The following SDHB variants were observed in gnomAD, a reference collection of about 807,000 sequenced individuals.
The protein encoded by SDHB is succinate dehydrogenase [ubiquinone] iron-sulfur subunit, mitochondrial.
Under a neutral mutation model 39.7 loss-of-function variants are expected in SDHB, and 21 were observed. That is an observed-to-expected ratio of 0.53 (90% CI 0.37 to 0.76). SDHB has a LOEUF of 0.76. Among genes scored for constraint, SDHB ranks in the 30% least tolerant of loss-of-function variants. The probability of loss-of-function intolerance (pLI) is 0.00; values close to 1 mark genes in which losing one functional copy is unlikely to be tolerated. For missense variants in SDHB, 343 were observed against 350.9 expected (o/e 0.98, Z 0.18); for synonymous variants, 118 against 117.0 (o/e 1.01, Z -0.06).
At chr1:17,023,108 C>G in intron 6 of SDHB, 2 of 340,896 alleles carry the variant, frequency 5.9e-6, no homozygotes, top group Admixed American at 7.9e-5. Context: ...GCTGGACTTG[C>G]TGTCTCTGAG....
In SDHB at chr1:17,033,129, A is replaced by G. The variant is rs763734164; in HGVS notation, c.217T>C (p.Leu73=). The G allele has an allele frequency of 3.7e-6, 6 of 1,613,174 alleles. No homozygotes were observed. The South Asian group carries it at 5.5e-5, about 15-fold the overall frequency. Residue 73 remains leucine, a synonymous_variant, in exon 3 of 8, where the codon TTG becomes CTG. Coordinates refer to ENST00000375499, the MANE Select transcript of SDHB (RefSeq NM_003000.3). ...TTCTTAATCTTGATTAAAGCATCCA[A>G]TACCATGGGGCCACATCTAACAAAG... ...VDLNKCGPMV[L]DALIKIKNEV...
At chr1:17,034,472 C>T (rs1328473988) in intron 2 of SDHB, among the ~76,000 whole-genome samples, 1 of 152,172 alleles carries the variant, frequency 6.6e-6, no homozygotes, top group East Asian at 1.9e-4. Context: ...CCTCTACCTT[C>T]CGGGTTCAAG....
chr1:17,019,683 T>C (rs761946893), intron 7 of SDHB, among the ~76,000 whole-genome samples: 1 of 151,920 alleles, frequency 6.6e-6, no homozygotes, highest in Non-Finnish European at 1.5e-5. Flanking sequence ...TAAAAAAGTG[T>C]TGTGGAAAGA....
intron 5 of SDHB, among the ~76,000 whole-genome samples, chr1:17,024,321 C>T (rs950165050): frequency 6.6e-6 from 1 of 152,172 alleles, no homozygotes; most frequent in African/African-American, 2.4e-5. Flanking sequence ...CTTTAATAAA[C>T]AAGAACCTCT....
chr1:17,046,426 A>G (rs1209424490), intron 1 of SDHB, among the ~76,000 whole-genome samples: 1 of 152,168 alleles, frequency 6.6e-6, no homozygotes, highest in Non-Finnish European at 1.5e-5. Context: ...ACTAATTTTA[A>G]GGGTATAATG....
intron 1 of SDHB, among the ~76,000 whole-genome samples, chr1:17,051,086 A>G (rs2078144466): frequency 6.6e-6 from 1 of 152,364 alleles, no homozygotes; most frequent in South Asian, 2.1e-4. Context: ...CAACAGTGCA[A>G]AAAGATAATT....
chr1:17,025,884 T>C (rs1054087567), intron 5 of SDHB, among the ~76,000 whole-genome samples: 11 of 152,242 alleles, frequency 7.2e-5, no homozygotes, highest in Admixed American at 7.2e-4. Flanking sequence ...CTGAAACTTT[T>C]TGAGCACCAA....
intron 7 of SDHB, among the ~76,000 whole-genome samples, chr1:17,019,779 T>A (rs2077950826): frequency 6.6e-6 from 1 of 152,158 alleles, no homozygotes; most frequent in African/African-American, 2.4e-5. Flanking sequence ...TCTTGCTCTG[T>A]CATCCAGGCT....
chr1:17,027,902 A>C (rs2078000725), intron 4 of SDHB, 37 bp from the exon 5 acceptor site: 1 of 1,250,212 alleles, frequency 8.0e-7, no homozygotes, highest in Admixed American at 1.7e-5. Context: ...AAGAAGAAGA[A>C]AAGGATCAGA....
At chr1:17,045,572 C>T (rs372597771) in intron 1 of SDHB, among the ~76,000 whole-genome samples, 8 of 151,890 alleles carry the variant, frequency 5.3e-5, no homozygotes, top group African/African-American at 1.9e-4. Flanking sequence ...GCACTCTAGC[C>T]TGGGCAACAG....
chr1:17,031,890 AGT>A lies in SDHB; in HGVS notation c.286+1168_286+1169del, dbSNP rs2078025452. On this transcript the variant is annotated intron_variant, in intron 3 of 7. Coordinates refer to ENST00000375499, the MANE Select transcript of SDHB (RefSeq NM_003000.3). The stretch of plus-strand genomic sequence containing the variant: ...AGCTTTGGCTGACTCCCGGCTCTCA[AGT>A]CACTCTCTATGTGTCCTTGTGGAAG... Among the ~76,000 whole-genome samples the A allele has an allele frequency of 3.3e-5, 5 of 152,256 alleles. No individual in the cohort carries two copies. In the South Asian group the frequency reaches 1.0e-3, roughly 32 times the overall value.
chr1:17,046,391 G>T (rs2078110466), intron 1 of SDHB, among the ~76,000 whole-genome samples: 1 of 151,730 alleles, frequency 6.6e-6, no homozygotes, highest in South Asian at 2.1e-4. Flanking sequence ...GATTTAATAA[G>T]GTATAATTCA....
intron 6 of SDHB, 96 bp from the exon 7 acceptor site, chr1:17,022,826 A>T (rs2101514274): frequency 6.8e-7 from 1 of 1,476,304 alleles, no homozygotes; most frequent in African/African-American, 1.4e-5. Context: ...AGGAAAGGGA[A>T]TTCACTCAGC....
chr1:17,037,884 C>T (rs1399268897), intron 2 of SDHB, among the ~76,000 whole-genome samples: 1 of 152,100 alleles, frequency 6.6e-6, no homozygotes, highest in Non-Finnish European at 1.5e-5. Context: ...CACCTGCAAT[C>T]CCAGCACTTT....
intron 1 of SDHB, among the ~76,000 whole-genome samples, chr1:17,053,302 C>T (rs1283605893): frequency 6.6e-6 from 1 of 152,118 alleles, no homozygotes. Context: ...TATTATATGA[C>T]CTTTAGAGTC....
intron 6 of SDHB, 50 bp downstream of exon 6, chr1:17,023,922 TC>T (rs1429929153): frequency 7.2e-7 from 1 of 1,397,936 alleles, no homozygotes; most frequent in African/African-American, 1.4e-5. Flanking sequence ...CTCTTGGACT[TC>T]TGGATGCTTG....
At chr1:17,053,676 C>T (rs1239647652) in intron 1 of SDHB, among the ~76,000 whole-genome samples, 1 of 151,604 alleles carries the variant, frequency 6.6e-6, no homozygotes, top group Non-Finnish European at 1.5e-5. Flanking sequence ...TGACCTTGAG[C>T]AATTCAAGTC....
At position 17,028,669 on chromosome 1, in the gene SDHB, G is replaced by A. The variant is rs2101523167; in HGVS notation, c.354C>T (p.Asp118=). 1 of 1,614,086 alleles carries A rather than the reference G, an allele frequency of 6.2e-7. No homozygotes were observed. The highest frequency in any genetic ancestry group is 8.5e-7 in the Non-Finnish European group (1 of 1,179,946). Residue 118 remains aspartate (D), a synonymous_variant, in exon 4 of 8, where the codon GAC becomes GAT. Transcript: ENST00000375499. ...TTTTTGAGACCTTATTGAGGTTGGT[G>A]TCAATCCTTCGGGTGCAAGCTAGAG... is the stretch of plus-strand genomic sequence containing the variant. ...GNTLACTRRI[D]TNLNKVSKIY...
At chr1:17,041,040 G>C (rs1324466040) in intron 2 of SDHB, among the ~76,000 whole-genome samples, 1 of 152,184 alleles carries the variant, frequency 6.6e-6, no homozygotes, top group East Asian at 1.9e-4. Context: ...TGAGGTGGGA[G>C]AATCGCTTGA....
Sources: gnomAD v4.1 joint callset for allele counts (sites outside exome capture counted in the v4.1 genomes callset) on GRCh38, gnomAD v4.1.1 for gene constraint, MANE v1.5 for transcripts, NCBI Gene and HGNC (gene_info 2026-07-23, HGNC 2026-07-21) for gene names.